The following SEC11A variants were observed in gnomAD, a reference collection of about 807,000 sequenced individuals.
SEC11A encodes the protein signal peptidase complex catalytic subunit SEC11A.
A neutral mutation model predicts 25.6 loss-of-function variants in SEC11A; 14 were observed. That is an observed-to-expected ratio of 0.55 (90% CI 0.36 to 0.85). The LOEUF is 0.85. Among genes scored for constraint, SEC11A ranks in the 40% least tolerant of loss-of-function variants. The pLI, the probability that SEC11A is intolerant of heterozygous loss-of-function variation, is 0.01. For missense variants in SEC11A, 153 were observed against 222.9 expected, an observed-to-expected ratio of 0.69 and a Z score of 2.00; for synonymous variants, 83 against 76.4, an observed-to-expected ratio of 1.09 and a Z score of -0.45.
At chr15:84,711,964 G>A (rs372953465) in intron 1 of SEC11A, among the ~76,000 whole-genome samples, 2 of 152,024 alleles carry the variant, frequency 1.3e-5, no homozygotes, top group East Asian at 1.9e-4. Flanking sequence ...AACTTGGCTG[G>A]GTGTGGTGGC....
At chr15:84,687,896 T>C in intron 2 of SEC11A, 122 bp from the exon 3 acceptor site, 1 of 771,066 alleles carries the variant, frequency 1.3e-6, no homozygotes. Context: ...CCCTAACAAC[T>C]ATATCAACAG....
intron 1 of SEC11A, among the ~76,000 whole-genome samples, chr15:84,705,361 G>GA (rs139120153): frequency 0.024 from 3,674 of 152,300 alleles, 67 homozygotes; most frequent in Non-Finnish European, 0.037. Flanking sequence ...TCAGAATGCA[G>GA]TTATGGCACC....
intron 1 of SEC11A, among the ~76,000 whole-genome samples, chr15:84,709,432 T>C (rs764133316): frequency 3.3e-5 from 5 of 152,060 alleles, no homozygotes; most frequent in Non-Finnish European, 7.4e-5. Context: ...TTTGTATTTG[T>C]TTTTGTTTTT....
chr15:84,697,812 G>A (rs1897811819), intron 1 of SEC11A, among the ~76,000 whole-genome samples: 1 of 152,218 alleles, frequency 6.6e-6, no homozygotes, highest in African/African-American at 2.4e-5. Flanking sequence ...ACCACATCAA[G>A]CTAACTATTA....
At chr15:84,701,547 G>GA (rs555466225) in intron 1 of SEC11A, among the ~76,000 whole-genome samples, 24 of 147,844 alleles carry the variant, frequency 1.6e-4, no homozygotes, top group Non-Finnish European at 2.4e-4. Context: ...TCCGTTTCAA[G>GA]AAAAAAAAAT....
At chr15:84,671,568 T>G (rs1358484107) in intron 4 of SEC11A, 1 of 152,226 alleles carries the variant, frequency 6.6e-6, no homozygotes, top group Non-Finnish European at 1.5e-5. Context: ...TTACAGCACC[T>G]GATACATTTC....
chr15:84,709,521 C>A (rs1020726344), intron 1 of SEC11A, among the ~76,000 whole-genome samples: 1 of 151,934 alleles, frequency 6.6e-6, no homozygotes, highest in Non-Finnish European at 1.5e-5. Context: ...TGGCTCACTA[C>A]GACCACCGTC....
chr15:84,675,907 C>G (rs1175079337), intron 4 of SEC11A, among the ~76,000 whole-genome samples: 2 of 152,188 alleles, frequency 1.3e-5, no homozygotes, highest in African/African-American at 4.8e-5. Flanking sequence ...CAAAAGACTA[C>G]GCATTGTATG....
intron 2 of SEC11A, among the ~76,000 whole-genome samples, chr15:84,690,330 A>C (rs1319379102): frequency 6.6e-6 from 1 of 152,108 alleles, no homozygotes; most frequent in Admixed American, 6.6e-5. Flanking sequence ...TTCTGCCATG[A>C]TTGTGGGGCC....
chr15:84,677,725 A>G (rs372542694), intron 4 of SEC11A, among the ~76,000 whole-genome samples: 1 of 152,080 alleles, frequency 6.6e-6, no homozygotes, highest in Non-Finnish European at 1.5e-5. Flanking sequence ...CGCCCGCCTC[A>G]GCCGCCCAAA....
At chr15:84,692,024 C>CTTTTTTTTTTTTTT (rs59177902) in intron 1 of SEC11A, 4 of 127,336 alleles carry the variant, frequency 3.1e-5, no homozygotes, top group Middle Eastern at 3.8e-3. Flanking sequence ...TTTTCTTTTT[C>CTTTTTTTTTTTTTT]TTTTTTTTTT....
Position 84,670,084 on chromosome 15 carries a change from C to T in SEC11A, c.490-15G>A. ...AGAACTGCATACTAGAAAATAAACA[C>T]AGAACCACAAGTCAGAGAAGCGTTG... On this transcript the variant is annotated splice_polypyrimidine_tract_variant and intron_variant, in intron 5 of 5. Transcript: ENST00000268220. 2.5e-6 allele frequency: 4 copies of T among 1,611,582 alleles called. No homozygotes were observed. Among genetic ancestry groups the T allele is most frequent in the Non-Finnish European group, 3.4e-6 (4 of 1,178,932 alleles).
chr15:84,676,139 T>C (rs1035969495), intron 4 of SEC11A, among the ~76,000 whole-genome samples: 2 of 152,230 alleles, frequency 1.3e-5, no homozygotes, highest in African/African-American at 4.8e-5. Flanking sequence ...TTTAAGATGG[T>C]GAATTTTATA....
At chr15:84,685,521 G>T (rs112322254) in intron 3 of SEC11A, among the ~76,000 whole-genome samples, 2 of 149,908 alleles carry the variant, frequency 1.3e-5, no homozygotes, top group African/African-American at 4.9e-5. Context: ...CACTCCACCC[G>T]CCTCAGCCTC....
intron 2 of SEC11A, among the ~76,000 whole-genome samples, chr15:84,690,279 C>G (rs1157301023): frequency 1.3e-5 from 2 of 152,158 alleles, no homozygotes; most frequent in Admixed American, 1.3e-4. Context: ...TGCAAAAGCT[C>G]TCTTCTCTTG....
At chr15:84,697,963 A>G (rs974438901) in intron 1 of SEC11A, among the ~76,000 whole-genome samples, 2 of 152,320 alleles carry the variant, frequency 1.3e-5, no homozygotes, top group South Asian at 2.1e-4. Flanking sequence ...TCTATATAAT[A>G]TCTCTCAGCA....
Position 84,695,411 on chromosome 15 carries a change from C to T in SEC11A, c.52-3767G>A, listed in dbSNP as rs1211777609. On this transcript the variant is annotated intron_variant, in intron 1 of 5. Transcript: ENST00000268220. ...CTGGGAGGCGGAGGTTGCAGTGGGC[C>T]GAGATCGCACCATTGCACTCCAGCC... Among the ~76,000 whole-genome samples, 11 of 148,508 alleles carry T rather than the reference C, an allele frequency of 7.4e-5. No individual in the cohort carries two copies. The East Asian group carries it at 9.9e-4, about 13-fold the overall frequency.
At chr15:84,686,290 A>G (rs1897419720) in intron 3 of SEC11A, among the ~76,000 whole-genome samples, 2 of 152,232 alleles carry the variant, frequency 1.3e-5, no homozygotes, top group South Asian at 4.1e-4. Context: ...TTCAAAAAGC[A>G]ATGGTTGACA....
chr15:84,715,379 GGA>G (rs1596088520), intron 1 of SEC11A, among the ~76,000 whole-genome samples: 1 of 152,278 alleles, frequency 6.6e-6, no homozygotes, highest in Non-Finnish European at 1.5e-5. Context: ...GACAAAATCA[GGA>G]GACCTACATT....
Sources: gnomAD v4.1 joint callset for allele counts (sites outside exome capture counted in the v4.1 genomes callset) on GRCh38, gnomAD v4.1.1 for gene constraint, MANE v1.5 for transcripts, NCBI Gene and HGNC (gene_info 2026-07-23, HGNC 2026-07-21) for gene names.